Variants in ZEB1 observed in about 807,000 individuals in gnomAD.
ZEB1 encodes the protein zinc finger E-box binding homeobox 1.
ZEB1 carries 21 observed loss-of-function variants against 84.9 expected under a neutral mutation model. That is an observed-to-expected ratio of 0.25 (90% CI 0.18 to 0.36). The LOEUF is 0.36. ZEB1 is among the 10% of genes least tolerant of loss of function. The probability of loss-of-function intolerance (pLI) is 1.00; values close to 1 mark genes in which losing one functional copy is unlikely to be tolerated. For missense variants in ZEB1, 1,104 were observed against 1,330.2 expected (o/e 0.83, Z 2.65); for synonymous variants, 420 against 471.1 (o/e 0.89, Z 1.41).
At position 31,399,791 on chromosome 10, in the gene ZEB1, C is replaced by T. The variant is rs555427772; in HGVS notation, c.59-61246C>T. ...TTAAAATAGCCTACCAGGCTCTGTGCTCTGGGCTGTCATTCCCAGACAGCC... is the reference window on the plus strand; with the variant it reads ...TTAAAATAGCCTACCAGGCTCTGTGTTCTGGGCTGTCATTCCCAGACAGCC... On this transcript the variant is annotated intron_variant, in intron 1 of 8. Transcript: ENST00000424869. Among the ~76,000 whole-genome samples, 9 of 152,316 alleles carry T rather than the reference C, an allele frequency of 5.9e-5. No individual in the cohort carries two copies. The East Asian group carries it at 1.7e-3, about 29-fold the overall frequency.
At chr10:31,323,866 C>T (rs551256789) in intron 1 of ZEB1, among the ~76,000 whole-genome samples, 42 of 151,626 alleles carry the variant, frequency 2.8e-4, no homozygotes, top group African/African-American at 1.0e-3. Context: ...ATATCAGTAC[C>T]GTAATGGAAT....
chr10:31,400,782 C>T lies in ZEB1; in HGVS notation c.59-60255C>T, dbSNP rs934353024. 9.5e-4 allele frequency among the ~76,000 whole-genome samples: 144 copies of T among 152,174 alleles called. 2 individuals are homozygous for T. Among genetic ancestry groups the T allele is most frequent in the African/African-American group, 3.4e-3 (140 of 41,552 alleles). ...ATACTAATTCAGCCTACCAACATAGCTTTTGTTAAAGTAACTGCTTTTTAA... is the reference window on the plus strand; with the variant it reads ...ATACTAATTCAGCCTACCAACATAGTTTTTGTTAAAGTAACTGCTTTTTAA... On this transcript the variant is annotated intron_variant, in intron 1 of 8. Coordinates refer to ENST00000424869, the MANE Select transcript of ZEB1 (RefSeq NM_001174096.2).
intron 1 of ZEB1, among the ~76,000 whole-genome samples, chr10:31,365,854 C>A (rs1361431831): frequency 2.6e-5 from 4 of 152,186 alleles, no homozygotes; most frequent in Non-Finnish European, 1.5e-5. Context: ...TATCGAAATA[C>A]ATTTGTATGC....
At chr10:31,362,901 G>A in intron 1 of ZEB1, 2 of 1,417,514 alleles carry the variant, frequency 1.4e-6, no homozygotes, top group East Asian at 2.5e-5. Flanking sequence ...ACACTCTCAT[G>A]TTCTTACGCA....
chr10:31,519,347 C>A (rs553746779), intron 6 of ZEB1, among the ~76,000 whole-genome samples: 3 of 152,290 alleles, frequency 2.0e-5, no homozygotes, highest in Non-Finnish European at 2.9e-5. Context: ...ATGCCTTTTA[C>A]CCCACAGAGT....
At position 31,362,908 on chromosome 10, in the gene ZEB1, C is replaced by T. The variant is rs1356240360; in HGVS notation, c.58+43616C>T. ...TCTACTTAACACTCTCATGTTCTTA[C>T]GCATGTTGCCATGCTGGAGGCGTCC... On this transcript the variant is annotated intron_variant, in intron 1 of 8. Coordinates refer to ENST00000424869, the MANE Select transcript of ZEB1 (RefSeq NM_001174096.2). 107 of 1,435,716 alleles carry T rather than the reference C, an allele frequency of 7.5e-5. No homozygotes were observed. In the East Asian group the frequency reaches 8.9e-4, roughly 12 times the overall value. 88.9% of individuals were successfully genotyped at this position (1,435,716 alleles called of 1,614,324 possible).
At chr10:31,347,267 T>C (rs907554970) in intron 1 of ZEB1, among the ~76,000 whole-genome samples, 3 of 152,244 alleles carry the variant, frequency 2.0e-5, no homozygotes, top group Non-Finnish European at 2.9e-5. Context: ...CTGTTTAAAA[T>C]AAGATTCCAG....
rs546747496 is a variant in ZEB1 at position 31,396,015 on chromosome 10, C to A, written c.59-65022C>A. Among the ~76,000 whole-genome samples the A allele has an allele frequency of 5.3e-5, 8 of 152,276 alleles. No homozygotes were observed. The East Asian group carries it at 1.5e-3, about 29-fold the overall frequency. On this transcript the variant is annotated intron_variant, in intron 1 of 8. Coordinates refer to ENST00000424869, the MANE Select transcript of ZEB1 (RefSeq NM_001174096.2). ...TTATAGCGTTTTCTCTAGCTTTGGGCATTGTCACTTAACAGACAATACAAT... is the reference window on the plus strand; with the variant it reads ...TTATAGCGTTTTCTCTAGCTTTGGGAATTGTCACTTAACAGACAATACAAT...
At chr10:31,463,413 A>G (rs1178763221) in intron 2 of ZEB1, among the ~76,000 whole-genome samples, 2 of 152,220 alleles carry the variant, frequency 1.3e-5, no homozygotes, top group African/African-American at 2.4e-5. Context: ...AAAGGAACCC[A>G]TAGAAGTAAA....
intron 1 of ZEB1, among the ~76,000 whole-genome samples, chr10:31,430,340 T>C (rs1341191875): frequency 6.6e-6 from 1 of 152,168 alleles, no homozygotes; most frequent in African/African-American, 2.4e-5. Flanking sequence ...TATAAATTGC[T>C]CATTCAGTCC....
intron 2 of ZEB1, among the ~76,000 whole-genome samples, chr10:31,463,782 ATAT>A (rs2062068134): frequency 6.6e-6 from 1 of 152,228 alleles, no homozygotes; most frequent in Non-Finnish European, 1.5e-5. Context: ...ACTGCTACAA[ATAT>A]CTATTGGCAC....
intron 1 of ZEB1, chr10:31,387,087 T>A (rs1359396743): frequency 1.0e-6 from 1 of 985,588 alleles, no homozygotes; most frequent in African/African-American, 1.7e-5. Flanking sequence ...AATAGTTTGA[T>A]CCCAGTATAA....
chr10:31,448,147 CTTCATTTCA>C (rs2060038752), intron 1 of ZEB1, among the ~76,000 whole-genome samples: 1 of 143,160 alleles, frequency 7.0e-6, no homozygotes, highest in Non-Finnish European at 1.5e-5. Context: ...TCCCTTCTCG[CTTCATTTCA>C]TTCATTTCAT....
rs1314464237 is a variant in ZEB1, at chr10:31,392,445, C to CTA, written c.59-68587_59-68586dup. On this transcript the variant is annotated intron_variant, in intron 1 of 8. Transcript: ENST00000424869. The stretch of plus-strand genomic sequence containing the variant: ...CTAGTTAAAGAAATTCTTCAGTAGC[C>CTA]TATATACACTTCCTGTTGGTTTTCA... 4.6e-5 allele frequency among the ~76,000 whole-genome samples: 7 copies of CTA among 152,180 alleles called. No individual in the cohort carries two copies. The East Asian group carries it at 1.4e-3, about 29-fold the overall frequency.
intron 1 of ZEB1, among the ~76,000 whole-genome samples, chr10:31,409,510 G>A (rs192557887): frequency 3.3e-5 from 5 of 150,532 alleles, no homozygotes; most frequent in East Asian, 1.9e-4. Flanking sequence ...TTTTGGTTCC[G>A]TATGAAGTTT....
intron 1 of ZEB1, among the ~76,000 whole-genome samples, chr10:31,346,207 T>G (rs1238185948): frequency 6.6e-6 from 1 of 152,204 alleles, no homozygotes; most frequent in East Asian, 1.9e-4. Context: ...AGAAAAATTC[T>G]ATGTCTTGTG....
At chr10:31,425,743 CTCTTG>C (rs980008002) in intron 1 of ZEB1, among the ~76,000 whole-genome samples, 4 of 151,844 alleles carry the variant, frequency 2.6e-5, no homozygotes, top group Non-Finnish European at 5.9e-5. Flanking sequence ...TCTTGATTTC[CTCTTG>C]TCTTATTTTT....
At chr10:31,387,662 A>G in intron 1 of ZEB1, 3 of 747,018 alleles carry the variant, frequency 4.0e-6, no homozygotes, top group Non-Finnish European at 4.9e-6. Flanking sequence ...TGATAGAGCC[A>G]GCTGTGAAGA....
chr10:31,434,143 A>G (rs2058037427), intron 1 of ZEB1, among the ~76,000 whole-genome samples: 1 of 152,204 alleles, frequency 6.6e-6, no homozygotes, highest in Non-Finnish European at 1.5e-5. Flanking sequence ...TTATTTATTA[A>G]CTATTTTGCA....
Sources: allele counts gnomAD v4.1 joint callset (sites outside exome capture counted in the v4.1 genomes callset), GRCh38; gene constraint gnomAD v4.1.1; transcripts MANE v1.5; gene names NCBI Gene and HGNC (gene_info 2026-07-23, HGNC 2026-07-21).